DMD: variants seen among roughly 807,000 people sequenced by gnomAD.
DMD encodes the protein dystrophin.
A neutral mutation model predicts 330.1 loss-of-function variants in DMD; 63 were observed. The observed-to-expected ratio is 0.19, with a 90% CI of 0.16 to 0.24. The LOEUF (loss-of-function observed/expected upper bound fraction) is 0.24, where lower values mean the gene tolerates loss of function less well. Ranked by LOEUF, DMD falls within the 10% of genes least tolerant of loss-of-function variation. The probability of loss-of-function intolerance (pLI) is 1.00; values close to 1 mark genes in which losing one functional copy is unlikely to be tolerated. For synonymous variants in DMD, 1,223 were observed against 959.8 expected, an observed-to-expected ratio of 1.27 and a Z score of -5.07; for missense variants, 3,344 against 2,684.1, an observed-to-expected ratio of 1.25 and a Z score of -5.43.
In DMD at chrX:32,491,409, G is replaced by A. The variant is rs72468679; in HGVS notation, c.2490C>T (p.Asn830=). ...SERLNWLEYQ[N]NIIAFYNQLQ... ...GCTGATTATAGAAAGCGATGATGTTGTTCTGATACTCCAGCCAGTTAAGTC... is the reference window on the plus strand; with the variant it reads ...GCTGATTATAGAAAGCGATGATGTTATTCTGATACTCCAGCCAGTTAAGTC... Residue 830 remains asparagine, a synonymous_variant, in exon 20 of 79, where the codon AAC becomes AAT. Transcript: ENST00000357033. The A allele has an allele frequency of 4.9e-4, 588 of 1,209,995 alleles. No homozygotes were observed. The highest frequency in any genetic ancestry group is 6.1e-4 in the Non-Finnish European group (542 of 895,221).
chrX:31,182,316 C>A (rs749857194), intron 68 of DMD, among the ~76,000 whole-genome samples: 1 of 112,090 alleles, frequency 8.9e-6, no homozygotes. Context: ...TATTATGGTT[C>A]CTCCCAGAAT....
intron 30 of DMD, 95 bp downstream of exon 30, chrX:32,411,657 A>C: frequency 9.8e-7 from 1 of 1,018,960 alleles, no homozygotes; most frequent in Non-Finnish European, 1.4e-6. Flanking sequence ...ACCCCATGGA[A>C]AACTAGTTGA....
chrX:31,548,671 T>C (rs1278959581), intron 55 of DMD, among the ~76,000 whole-genome samples: 2 of 109,571 alleles, frequency 1.8e-5, no homozygotes, highest in East Asian at 5.7e-4. Flanking sequence ...GATTACAGGC[T>C]GCGCCACTGC....
intron 1 of DMD, among the ~76,000 whole-genome samples, chrX:33,142,283 C>T (rs1471795126): frequency 8.9e-6 from 1 of 112,290 alleles, no homozygotes; most frequent in African/African-American, 3.2e-5. Flanking sequence ...AAGGGTTTCA[C>T]CATGTTGATC....
chrX:33,321,457 A>C, intron 1 of DMD, among the ~76,000 whole-genome samples: 1 of 111,606 alleles, frequency 9.0e-6, no homozygotes, highest in East Asian at 2.8e-4. Context: ...TCTGAGCACA[A>C]GGTCTCAACC....
intron 1 of DMD, among the ~76,000 whole-genome samples, chrX:33,036,820 T>TATATATAC (rs2147893878): frequency 9.1e-6 from 1 of 110,111 alleles, no homozygotes; most frequent in African/African-American, 3.3e-5. Context: ...TATATATATA[T>TATATATAC]ATACATACAT....
intron 2 of DMD, among the ~76,000 whole-genome samples, chrX:32,932,892 T>C (rs967724811): frequency 1.8e-5 from 2 of 111,870 alleles, no homozygotes; most frequent in Non-Finnish European, 3.8e-5. Context: ...CCTCTATTTT[T>C]CCATCAAAAG....
At chrX:31,536,651 A>G (rs141022051) in intron 55 of DMD, among the ~76,000 whole-genome samples, 2 of 111,566 alleles carry the variant, frequency 1.8e-5, no homozygotes, top group East Asian at 5.6e-4. Flanking sequence ...AATAAATCCA[A>G]TACAACAATC....
chrX:32,399,754 T>C (rs1230449408), intron 30 of DMD, among the ~76,000 whole-genome samples: 3 of 111,045 alleles, frequency 2.7e-5, no homozygotes, highest in Non-Finnish European at 3.8e-5. Context: ...AGAAAGAAAA[T>C]CAGTACACTG....
At chrX:32,925,894 C>A (rs953033622) in intron 2 of DMD, among the ~76,000 whole-genome samples, 1 of 111,889 alleles carries the variant, frequency 8.9e-6, no homozygotes, top group Admixed American at 9.5e-5. Flanking sequence ...ATATTTATGG[C>A]TTGTTTTCTA....
intron 2 of DMD, chrX:32,960,188 C>A: frequency 9.0e-6 from 1 of 111,667 alleles, no homozygotes. Flanking sequence ...AAAAGGCAAT[C>A]GAATGACAAA....
At chrX:32,966,794 T>C (rs1170083082) in intron 2 of DMD, among the ~76,000 whole-genome samples, 1 of 111,917 alleles carries the variant, frequency 8.9e-6, no homozygotes, top group Non-Finnish European at 1.9e-5. Flanking sequence ...AAGCATCCAA[T>C]CACAGAGCTA....
At chrX:31,726,637 C>A (rs2086077372) in intron 52 of DMD, among the ~76,000 whole-genome samples, 3 of 111,648 alleles carry the variant, frequency 2.7e-5, no homozygotes. Context: ...ATTTCCATCC[C>A]ATTTTATAGA....
chrX:31,900,513 G>C (rs888348216), intron 47 of DMD, among the ~76,000 whole-genome samples: 1 of 111,390 alleles, frequency 9.0e-6, no homozygotes, highest in Non-Finnish European at 1.9e-5. Context: ...AAGTGGAACC[G>C]TAAGTCCATT....
At chrX:31,381,493 G>A in intron 60 of DMD, among the ~76,000 whole-genome samples, 1 of 111,124 alleles carries the variant, frequency 9.0e-6, no homozygotes, top group South Asian at 3.9e-4. Flanking sequence ...CTGCTCCCCG[G>A]CTCCTTCAGC....
chrX:31,162,397 A>AACATAAAC (rs11282729), intron 74 of DMD, among the ~76,000 whole-genome samples: 11,074 of 97,950 alleles, frequency 0.11, 1,337 homozygotes, highest in African/African-American at 0.32. Context: ...GGATTGTAAG[A>AACATAAAC]ACATAAACTC....
intron 55 of DMD, among the ~76,000 whole-genome samples, chrX:31,594,594 T>C: frequency 9.0e-6 from 1 of 111,684 alleles, no homozygotes; most frequent in Non-Finnish European, 1.9e-5. Context: ...ACTGGGCACT[T>C]TAATCTAATC....
chrX:33,090,765 CTAT>C (rs2095075214), intron 1 of DMD, among the ~76,000 whole-genome samples: 3 of 110,558 alleles, frequency 2.7e-5, no homozygotes, highest in Admixed American at 1.9e-4. Context: ...CAAAGCTTTA[CTAT>C]TATTATTTTT....
At chrX:32,231,098 A>G (rs1295453491) in intron 43 of DMD, among the ~76,000 whole-genome samples, 1 of 112,353 alleles carries the variant, frequency 8.9e-6, no homozygotes. Flanking sequence ...TTTTACTGCT[A>G]TTGTAATTGG....
Sources: allele counts gnomAD v4.1 joint callset (sites outside exome capture counted in the v4.1 genomes callset), GRCh38; gene constraint gnomAD v4.1.1; transcripts MANE v1.5; gene names NCBI Gene and HGNC (gene_info 2026-07-23, HGNC 2026-07-21).